Variants in ZNF285 observed in about 807,000 individuals in gnomAD.
ZNF285 encodes the protein zinc finger protein 285, also known as zinc finger protein 285A.
A neutral mutation model predicts 6.2 loss-of-function variants in ZNF285; 4 were observed. The ratio of observed to expected loss-of-function variants is 0.65; its 90% CI spans 0.32 to 1.49. The LOEUF (loss-of-function observed/expected upper bound fraction) is 1.49. ZNF285 is among the 40% of genes most tolerant of loss of function. The pLI is 0.07. For missense variants in ZNF285, 695 were observed against 708.8 expected, an observed-to-expected ratio of 0.98 and a Z score of 0.22; for synonymous variants, 240 against 245.8, an observed-to-expected ratio of 0.98 and a Z score of 0.22.
chr19:44,386,690 T>A lies in ZNF285; in HGVS notation c.1555A>T (p.Lys519Ter), dbSNP rs762264678. 1 of 1,614,090 alleles carries A rather than the reference T, an allele frequency of 6.2e-7. No individual in the cohort carries two copies. Among genetic ancestry groups the A allele is most frequent in the Non-Finnish European group, 8.5e-7 (1 of 1,180,032 alleles). ...EKPYKCDECGKGFSRNSDLNV... is the reference protein window; with the variant it reads ...EKPYKCDECG ...AGATCTGAATTCCGGCTGAAGCCTT[T>A]ACCACACTCATCACATTTATATGGT... Residue 519 changes from lysine to a stop codon, truncating the protein, a stop_gained, in exon 4 of 4, where the codon AAA becomes TAA. Coordinates refer to ENST00000614994, the MANE Select transcript of ZNF285 (RefSeq NM_152354.6). LOFTEE classifies it low-confidence loss of function (END_TRUNC).
Sources: gnomAD v4.1 joint callset for allele counts on GRCh38, gnomAD v4.1.1 for gene constraint, MANE v1.5 for transcripts, NCBI Gene and HGNC (gene_info 2026-07-23, HGNC 2026-07-21) for gene names.